NALF1: variants seen among roughly 807,000 people sequenced by gnomAD.
The protein encoded by NALF1 is family with sequence similarity 155 member A.
Under a neutral mutation model 48.4 loss-of-function variants are expected in NALF1, and 3 were observed. The observed-to-expected ratio is 0.06, with a 90% CI of 0.03 to 0.16. The LOEUF is 0.16. Ranked by LOEUF, NALF1 falls within the 10% of genes least tolerant of loss-of-function variation. NALF1 has a pLI of 1.00. For synonymous variants in NALF1, 262 were observed against 245.7 expected, an observed-to-expected ratio of 1.07 and a Z score of -0.62; for missense variants, 526 against 571.5, an observed-to-expected ratio of 0.92 and a Z score of 0.81.
At chr13:107,646,264 C>T (rs940662022) in intron 1 of NALF1, among the ~76,000 whole-genome samples, 2 of 151,070 alleles carry the variant, frequency 1.3e-5, no homozygotes, top group African/African-American at 2.4e-5. Context: ...CTTTCACATA[C>T]ACTCCCTGGA....
At chr13:107,625,241 T>C (rs1879636717) in intron 1 of NALF1, among the ~76,000 whole-genome samples, 2 of 152,050 alleles carry the variant, frequency 1.3e-5, no homozygotes, top group Admixed American at 1.3e-4. Context: ...CCTCAGGCAA[T>C]GTACTTGAGA....
intron 1 of NALF1, among the ~76,000 whole-genome samples, chr13:107,688,749 C>T (rs1185017561): frequency 1.3e-5 from 2 of 152,142 alleles, no homozygotes; most frequent in African/African-American, 2.4e-5. Flanking sequence ...CCAAAGACCA[C>T]GGACCTATTG....
In NALF1 at chr13:107,620,831, G is replaced by GGT. The variant is rs550511088; in HGVS notation, c.915+244849_915+244850dup. 2.7e-4 allele frequency among the ~76,000 whole-genome samples: 41 copies of GGT among 152,300 alleles called. No individual in the cohort carries two copies. The East Asian group carries it at 7.3e-3, about 27-fold the overall frequency. On this transcript the variant is annotated intron_variant, in intron 1 of 2. Transcript: ENST00000375915. ...GTCTGTGCAGTGAGGGAATGAGGGA[G>GGT]GTGTCCGCCCATTCTAACTCAAGGC...
intron 1 of NALF1, among the ~76,000 whole-genome samples, chr13:107,267,332 T>C (rs1156656706): frequency 1.3e-5 from 2 of 151,858 alleles, no homozygotes; most frequent in African/African-American, 4.8e-5. Flanking sequence ...ATGTAAGAAG[T>C]ACAAATTGAT....
chr13:107,840,152 A>C (rs2138634327), intron 1 of NALF1, among the ~76,000 whole-genome samples: 1 of 152,322 alleles, frequency 6.6e-6, no homozygotes, highest in Non-Finnish European at 1.5e-5. Flanking sequence ...AGTCAGTTAA[A>C]TGCAGTCGGC....
intron 1 of NALF1, among the ~76,000 whole-genome samples, chr13:107,853,855 C>A (rs928989432): frequency 2.6e-5 from 4 of 152,162 alleles, no homozygotes; most frequent in African/African-American, 9.7e-5. Flanking sequence ...AAAACAGCTC[C>A]TTTGACTCAC....
intron 1 of NALF1, among the ~76,000 whole-genome samples, chr13:107,745,868 T>C (rs1269532659): frequency 6.6e-6 from 1 of 152,192 alleles, no homozygotes; most frequent in Non-Finnish European, 1.5e-5. Context: ...TCAACAATTG[T>C]AATACAACAA....
At chr13:107,789,323 TTTTTGAAAATCTC>T (rs1160207404) in intron 1 of NALF1, among the ~76,000 whole-genome samples, 3 of 152,236 alleles carry the variant, frequency 2.0e-5, no homozygotes, top group Admixed American at 2.0e-4. Context: ...GATTTCACAA[TTTTTGAAAATCTC>T]TTTTGCTTTA....
intron 1 of NALF1, among the ~76,000 whole-genome samples, chr13:107,519,896 TACA>T (rs2139095289): frequency 6.6e-6 from 1 of 152,314 alleles, no homozygotes; most frequent in South Asian, 2.1e-4. Context: ...TATCTCAAAC[TACA>T]GAGAATGGAC....
intron 1 of NALF1, among the ~76,000 whole-genome samples, chr13:107,535,111 T>C (rs1020027597): frequency 6.6e-6 from 1 of 152,170 alleles, no homozygotes; most frequent in Non-Finnish European, 1.5e-5. Context: ...AAATATACAA[T>C]CATGTCATCT....
intron 1 of NALF1, among the ~76,000 whole-genome samples, chr13:107,231,667 C>CA (rs1314917983): frequency 2.0e-5 from 3 of 152,148 alleles, no homozygotes; most frequent in Non-Finnish European, 4.4e-5. Context: ...TTGAGCTACG[C>CA]AAAAAATTAT....
At chr13:107,764,613 C>T (rs1166179645) in intron 1 of NALF1, among the ~76,000 whole-genome samples, 1 of 152,128 alleles carries the variant, frequency 6.6e-6, no homozygotes, top group African/African-American at 2.4e-5. Flanking sequence ...AAAACCAGCA[C>T]ATACAAATTC....
At chr13:107,286,229 C>G (rs891565866) in intron 1 of NALF1, among the ~76,000 whole-genome samples, 5 of 152,060 alleles carry the variant, frequency 3.3e-5, no homozygotes, top group African/African-American at 1.2e-4. Context: ...AAAGAATTAC[C>G]ACGTGACCCT....
chr13:107,799,870 C>T (rs1329875285), intron 1 of NALF1, among the ~76,000 whole-genome samples: 1 of 151,942 alleles, frequency 6.6e-6, no homozygotes, highest in Non-Finnish European at 1.5e-5. Context: ...GGTGAAAAAT[C>T]TCTAGAATTT....
In NALF1 at chr13:107,783,549, A is replaced by G. The variant is rs1016731881; in HGVS notation, c.915+82133T>C. ...ATTCTTCTGCCTTGGGATCCTGTTG[A>G]TCTGTGACCTTACCCCCCAACCTTG... is the stretch of plus-strand genomic sequence containing the variant. On this transcript the variant is annotated intron_variant, in intron 1 of 2. Transcript: ENST00000375915. Among the ~76,000 whole-genome samples, 6 of 152,208 alleles carry G rather than the reference A, an allele frequency of 3.9e-5. 1 individual carries two copies. The highest frequency in any genetic ancestry group is 5.9e-5 in the Non-Finnish European group (4 of 68,018).
At chr13:107,852,018 A>C (rs1000500430) in intron 1 of NALF1, among the ~76,000 whole-genome samples, 1 of 150,492 alleles carries the variant, frequency 6.6e-6, no homozygotes, top group African/African-American at 2.4e-5. Context: ...CCCAAGATGG[A>C]CTTGAACTCC....
chr13:107,701,133 G>A (rs1275835770), intron 1 of NALF1, among the ~76,000 whole-genome samples: 3 of 152,098 alleles, frequency 2.0e-5, no homozygotes, highest in Admixed American at 2.0e-4. Flanking sequence ...CCTCTTTGGG[G>A]TGCATACCCA....
intron 1 of NALF1, among the ~76,000 whole-genome samples, chr13:107,326,781 T>C (rs1006836551): frequency 6.6e-6 from 1 of 152,128 alleles, no homozygotes; most frequent in African/African-American, 2.4e-5. Context: ...AGGGATAGTG[T>C]CTCCACTGGG....
At chr13:107,705,300 C>A (rs73603331) in intron 1 of NALF1, among the ~76,000 whole-genome samples, 2,527 of 152,256 alleles carry the variant, frequency 0.017, 73 homozygotes, top group African/African-American at 0.059. Context: ...ACAATGAATT[C>A]TCAGTGCAGG....
Sources: gnomAD v4.1 joint callset for allele counts (sites outside exome capture counted in the v4.1 genomes callset) on GRCh38, gnomAD v4.1.1 for gene constraint, MANE v1.5 for transcripts, NCBI Gene and HGNC (gene_info 2026-07-23, HGNC 2026-07-21) for gene names.